Variants in SUPT3H observed in about 807,000 individuals in gnomAD.
The protein encoded by SUPT3H is SPT3 homolog, SAGA and STAGA complex component, also known as transcription initiation protein SPT3 homolog.
In SUPT3H, 44 loss-of-function variants were observed where a neutral mutation model predicts 44.3. That is an observed-to-expected ratio of 0.99 (90% confidence interval 0.78 to 1.28). The LOEUF is 1.28. Among genes scored for constraint, SUPT3H ranks in the 50% most tolerant of loss-of-function variants. The probability of loss-of-function intolerance (pLI) is 0.00; values close to 1 mark genes in which losing one functional copy is unlikely to be tolerated. For missense variants in SUPT3H, 380 were observed against 387.1 expected, an observed-to-expected ratio of 0.98 and a Z score of 0.15; for synonymous variants, 124 against 125.6, an observed-to-expected ratio of 0.99 and a Z score of 0.09.
At chr6:45,231,145 T>G (rs1326288888) in intron 2 of SUPT3H, among the ~76,000 whole-genome samples, 1 of 152,198 alleles carries the variant, frequency 6.6e-6, no homozygotes, top group Non-Finnish European at 1.5e-5. Context: ...TGATACCATT[T>G]GAGTCTTTTT....
chr6:44,888,871 C>T lies in SUPT3H; in HGVS notation c.912+43782G>A, dbSNP rs866019910. Among the ~76,000 whole-genome samples, 941 of 143,942 alleles carry T rather than the reference C, an allele frequency of 6.5e-3. 4 individuals are homozygous for T. Among genetic ancestry groups the T allele is most frequent in the Non-Finnish European group, 0.01 (670 of 66,114 alleles). The allele number at this position is 143,942 out of a possible 152,430, so 94.4% of individuals were successfully genotyped here. A position where few individuals can be genotyped will look rare whatever the true frequency, so the allele number is the denominator to read the frequency against. The stretch of plus-strand genomic sequence containing the variant: ...TGATTGTATATCTAGAAAACCCCAT[C>T]GTCTCAGCCCAAAATCTCCTTAAGC... On this transcript the variant is annotated intron_variant, in intron 10 of 10. Coordinates refer to ENST00000371459, the MANE Select transcript of SUPT3H (RefSeq NM_003599.4).
chr6:45,216,439 C>T (rs1266683433), intron 2 of SUPT3H, among the ~76,000 whole-genome samples: 3 of 152,102 alleles, frequency 2.0e-5, no homozygotes, highest in African/African-American at 7.2e-5. Context: ...AGAGTAAGCC[C>T]TTACTTGTAA....
intron 5 of SUPT3H, among the ~76,000 whole-genome samples, chr6:45,010,407 TTC>T (rs1783311421): frequency 6.6e-6 from 1 of 152,152 alleles, no homozygotes; most frequent in South Asian, 2.1e-4. Flanking sequence ...CTTTGTCTTG[TTC>T]CCGATCTTAT....
chr6:45,014,359 G>A (rs1322666229), intron 5 of SUPT3H, among the ~76,000 whole-genome samples: 1 of 151,998 alleles, frequency 6.6e-6, no homozygotes, highest in Non-Finnish European at 1.5e-5. Context: ...TGGCAGGCAG[G>A]TATCAAGTGC....
intron 3 of SUPT3H, among the ~76,000 whole-genome samples, chr6:45,102,933 C>T (rs1010085154): frequency 4.0e-5 from 6 of 148,166 alleles, no homozygotes; most frequent in Admixed American, 2.0e-4. Context: ...AGTGAGACTC[C>T]GTCTCAAAAA....
intron 10 of SUPT3H, among the ~76,000 whole-genome samples, chr6:44,885,045 C>A (rs187807845): frequency 0.011 from 1,721 of 152,244 alleles, 36 homozygotes; most frequent in African/African-American, 0.039. Context: ...AACTGCAAGG[C>A]GGCAGTGAGG....
intron 3 of SUPT3H, among the ~76,000 whole-genome samples, chr6:45,042,930 T>C (rs1788766345): frequency 6.6e-6 from 1 of 152,330 alleles, no homozygotes; most frequent in Admixed American, 6.5e-5. Flanking sequence ...AGCTAAGTTA[T>C]ATACCTATAA....
At chr6:44,839,728 GTCTC>G (rs1366982508) in intron 10 of SUPT3H, among the ~76,000 whole-genome samples, 2 of 151,410 alleles carry the variant, frequency 1.3e-5, no homozygotes, top group South Asian at 2.1e-4. Flanking sequence ...TTGAGACGGA[GTCTC>G]TCTCTGTCGC....
chr6:45,019,910 A>G (rs539806296), intron 4 of SUPT3H, among the ~76,000 whole-genome samples: 1 of 152,096 alleles, frequency 6.6e-6, no homozygotes, highest in African/African-American at 2.4e-5. Context: ...ATTAACTGAA[A>G]CATGTAAAAT....
At chr6:45,126,568 A>G (rs1802457359) in intron 2 of SUPT3H, among the ~76,000 whole-genome samples, 1 of 152,222 alleles carries the variant, frequency 6.6e-6, no homozygotes, top group Non-Finnish European at 1.5e-5. Flanking sequence ...AAAAGTTCAG[A>G]AGGAATTTCC....
At chr6:45,279,600 G>A (rs532406905) in intron 2 of SUPT3H, among the ~76,000 whole-genome samples, 104 of 152,160 alleles carry the variant, frequency 6.8e-4, no homozygotes, top group Middle Eastern at 6.8e-3. Flanking sequence ...CTTCCACCAC[G>A]ACTGTAAACT....
chr6:45,024,055 C>T (rs1400320403), intron 3 of SUPT3H, among the ~76,000 whole-genome samples: 1 of 152,146 alleles, frequency 6.6e-6, no homozygotes. Flanking sequence ...CTCAAAACTT[C>T]AGTGTTAACA....
At chr6:44,831,165 C>T (rs1360582462) in intron 10 of SUPT3H, among the ~76,000 whole-genome samples, 5 of 152,116 alleles carry the variant, frequency 3.3e-5, no homozygotes, top group Admixed American at 6.6e-5. Flanking sequence ...CAGGCTTTGG[C>T]GCCCTGGCTG....
chr6:45,014,815 T>A lies in SUPT3H; in HGVS notation c.350A>T (p.Asp117Val), dbSNP rs752201958. 4.7e-5 allele frequency: 75 copies of A among 1,590,924 alleles called. 1 individual carries two copies. The South Asian group carries it at 8.4e-4, about 18-fold the overall frequency. ...GTTTTGGTTACCTTCGAGAAGATCA[T>A]CCTCATCGATGCCTTTGACAATCTT... ...KSKIVKGIDEDDLLEDKLSGS... is the reference protein window; with the variant it reads ...KSKIVKGIDEVDLLEDKLSGS... The change falls in exon 5 of 11, where the codon GAT becomes GTT. Residue 117 changes from aspartate (D) to valine (V), a missense_variant. Transcript: ENST00000371459.
At chr6:45,167,473 T>C (rs1810077248) in intron 2 of SUPT3H, among the ~76,000 whole-genome samples, 2 of 152,178 alleles carry the variant, frequency 1.3e-5, no homozygotes, top group African/African-American at 4.8e-5. Context: ...CTTTTTGAAG[T>C]AATTTTTGGT....
Position 45,165,730 on chromosome 6 carries a change from C to T in SUPT3H, c.102-59724G>A, listed in dbSNP as rs188501594. ...TAAATTCATTAGATGACCTTATTAA[C>T]GGTAAGGACATAGCTAAAGGAAGAA... On this transcript the variant is annotated intron_variant, in intron 2 of 10. Transcript: ENST00000371459. 2.6e-3 allele frequency among the ~76,000 whole-genome samples: 391 copies of T among 151,558 alleles called. 2 individuals carry two copies. The highest frequency in any genetic ancestry group is 9.2e-3 in the African/African-American group (378 of 41,282).
chr6:45,362,510 G>A (rs1444490026), intron 2 of SUPT3H, among the ~76,000 whole-genome samples: 3 of 152,092 alleles, frequency 2.0e-5, no homozygotes, highest in South Asian at 2.1e-4. Flanking sequence ...TGTATATTGA[G>A]TCTAATTTTA....
chr6:45,212,390 A>T (rs999756547), intron 2 of SUPT3H, among the ~76,000 whole-genome samples: 1 of 151,956 alleles, frequency 6.6e-6, no homozygotes, highest in African/African-American at 2.4e-5. Context: ...CACTCACTTC[A>T]TCATGGCTTT....
chr6:45,298,392 C>G (rs1781619588), intron 2 of SUPT3H, among the ~76,000 whole-genome samples: 1 of 152,096 alleles, frequency 6.6e-6, no homozygotes. Flanking sequence ...AGGTGTATCA[C>G]AGTTAATTCC....
Sources: allele counts gnomAD v4.1 joint callset (sites outside exome capture counted in the v4.1 genomes callset), GRCh38; gene constraint gnomAD v4.1.1; transcripts MANE v1.5; gene names NCBI Gene and HGNC (gene_info 2026-07-23, HGNC 2026-07-21).